The following ACTR5 variants were observed in gnomAD, a reference collection of about 807,000 sequenced individuals.
ACTR5 encodes the protein actin related protein 5.
Under a neutral mutation model 61.2 loss-of-function variants are expected in ACTR5, and 43 were observed. The observed-to-expected ratio is 0.70, with a 90% CI of 0.55 to 0.91. ACTR5 has a LOEUF of 0.91. ACTR5 is among the 40% of genes least tolerant of loss of function. The pLI, the probability that ACTR5 is intolerant of heterozygous loss-of-function variation, is 0.00. For synonymous variants in ACTR5, 333 were observed against 310.5 expected (o/e 1.07, Z -0.76); for missense variants, 798 against 782.2 (o/e 1.02, Z -0.24).
rs146278883 is a variant in ACTR5, at chr20:38,750,250, CT to C, written c.605+13del. On this transcript the variant is annotated intron_variant, in intron 2 of 8. Coordinates refer to ENST00000243903, the MANE Select transcript of ACTR5 (RefSeq NM_024855.4). ...CATCTTAGAAGGGAGGTGAGTTGCA[CT>C]TGTGGCATTTGAGTGCGATTTTGAG... The C allele has an allele frequency of 1.1e-4, 171 of 1,607,238 alleles. No homozygotes were observed. The African/African-American group carries it at 2.2e-3, about 21-fold the overall frequency.
chr20:38,764,833 C>G (rs1359473021), intron 5 of ACTR5, among the ~76,000 whole-genome samples: 1 of 152,138 alleles, frequency 6.6e-6, no homozygotes, highest in Non-Finnish European at 1.5e-5. Flanking sequence ...CCACGCCCAG[C>G]TAATGTTTGT....
chr20:38,757,982 G>C (rs759871452), intron 5 of ACTR5, among the ~76,000 whole-genome samples: 27 of 151,590 alleles, frequency 1.8e-4, no homozygotes, highest in Non-Finnish European at 3.5e-4. Flanking sequence ...TGTTGTCTTT[G>C]TTATGTATTC....
At chr20:38,767,658 A>G in intron 8 of ACTR5, 62 bp downstream of exon 8, 1 of 1,530,700 alleles carries the variant, frequency 6.5e-7, no homozygotes, top group Non-Finnish European at 8.9e-7. Context: ...CTGATTGCAA[A>G]AGTAATAATC....
intron 5 of ACTR5, among the ~76,000 whole-genome samples, chr20:38,758,965 T>C (rs1056506549): frequency 6.6e-6 from 1 of 152,254 alleles, no homozygotes; most frequent in Non-Finnish European, 1.5e-5. Flanking sequence ...TTTTTTCTTA[T>C]AGACCAATCT....
In ACTR5 at chr20:38,771,787, G is replaced by T; in HGVS notation, c.1795G>T (p.Gly599Cys). ...AQASSKGSAA[G>C]GGGAGEQA is the part of the protein sequence containing the mutation. ...GGCATCCAGCAAGGGCTCCGCTGCTGGTGGAGGTGGTGCTGGTGAGCAGGC... is the reference window on the plus strand; with the variant it reads ...GGCATCCAGCAAGGGCTCCGCTGCTTGTGGAGGTGGTGCTGGTGAGCAGGC... The change falls in exon 9 of 9, where the codon GGT becomes TGT. Residue 599 changes from glycine (G) to cysteine (C), a missense_variant. Physicochemically the swap from Gly to Cys is radical, Grantham distance 159. Transcript: ENST00000243903. 1 of 1,613,064 alleles carries T rather than the reference G, an allele frequency of 6.2e-7. No individual in the cohort carries two copies. The highest frequency in any genetic ancestry group is 8.5e-7 in the Non-Finnish European group (1 of 1,179,842).
Position 38,748,806 on chromosome 20 carries a change from G to T in ACTR5, c.328G>T (p.Glu110Ter). Residue 110 changes from glutamate (E) to a stop codon, truncating the protein, a stop_gained, in exon 1 of 9, where the codon GAG becomes TAG. Coordinates refer to ENST00000243903, the MANE Select transcript of ACTR5 (RefSeq NM_024855.4). LOFTEE classifies it high-confidence loss of function. ...RNVPVNLELQELLLDYSFQHL... is the reference protein window; with the variant it reads ...RNVPVNLELQ ...CGTGCCGGTCAACCTGGAGCTTCAG[G>T]AGTTGCTGCTGGACTACAGCTTCCA... 6.2e-7 allele frequency: 1 copy of T among 1,609,562 alleles called. No individual in the cohort carries two copies. Among genetic ancestry groups the T allele is most frequent in the African/African-American group, 1.3e-5 (1 of 74,538 alleles).
At position 38,772,081 on chromosome 20, in the gene ACTR5, T is replaced by G; in HGVS notation, c.*265T>G. The G allele has an allele frequency of 4.0e-6, 2 of 497,142 alleles. No homozygotes were observed. The highest frequency in any genetic ancestry group is 6.7e-5 in the Admixed American group (2 of 29,698). 30.8% of individuals were successfully genotyped at this position (497,142 alleles called of 1,614,324 possible). On this transcript the variant is annotated 3_prime_UTR_variant, in exon 9 of 9. Transcript: ENST00000243903. Reference sequence around the variant, plus strand: ...GTGGCCAGCTGTGGCATCAGCTTCCTGGAGCAGTAAATGAAGACAGAGTGG... The same window carrying G: ...GTGGCCAGCTGTGGCATCAGCTTCCGGGAGCAGTAAATGAAGACAGAGTGG...
At chr20:38,749,439 A>G (rs192124309) in intron 1 of ACTR5, among the ~76,000 whole-genome samples, 213 of 152,282 alleles carry the variant, frequency 1.4e-3, no homozygotes, top group African/African-American at 5.0e-3. Context: ...CCTAATCCTA[A>G]CTGCAAGGCT....
chr20:38,756,112 G>A lies in ACTR5; in HGVS notation c.1176+73G>A, dbSNP rs1263562349. 11 of 1,463,852 alleles carry A rather than the reference G, an allele frequency of 7.5e-6. No individual in the cohort carries two copies. In the African/African-American group the frequency reaches 8.5e-5, roughly 11 times the overall value. 90.7% of individuals were successfully genotyped at this position (1,463,852 alleles called of 1,614,324 possible). ...TCCTGAGAGGCCTGACATCAAAGGG[G>A]TTGTGCCCAGAGTCAGGAGGGAAAG... is the stretch of plus-strand genomic sequence containing the variant. On this transcript the variant is annotated intron_variant, in intron 5 of 8. Transcript: ENST00000243903.
chr20:38,760,750 A>C (rs1842131569), intron 5 of ACTR5, among the ~76,000 whole-genome samples: 1 of 152,040 alleles, frequency 6.6e-6, no homozygotes, highest in South Asian at 2.1e-4. Flanking sequence ...TCCAGATTCC[A>C]CCCTTGTAAC....
Position 38,766,278 on chromosome 20 carries a change from G to A in ACTR5, c.1334G>A (p.Gly445Glu), listed in dbSNP as rs1342215273. The stretch of plus-strand genomic sequence containing the variant: ...GCAGCATATCATCAGCTATTTGTTG[G>A]GACAGAAAGAATTCGAGCTCCAGAG... Reference protein sequence around the residue: ...NLAAYHQLFVGTERIRAPEII... With the variant: ...NLAAYHQLFVETERIRAPEII... Residue 445 changes from glycine (G) to glutamate (E), a missense_variant, in exon 7 of 9, where the codon GGG becomes GAG. Physicochemically the swap from Gly to Glu is moderately conservative, Grantham distance 98. Transcript: ENST00000243903. The A allele has an allele frequency of 1.2e-6, 2 of 1,613,800 alleles. No individual in the cohort carries two copies. Among genetic ancestry groups the A allele is most frequent in the Admixed American group, 1.7e-5 (1 of 59,920 alleles).
chr20:38,750,107 T>C lies in ACTR5; in HGVS notation c.473T>C (p.Ile158Thr). ...GAGCTTCTTTTTGAGTGCTACGGGA[T>C]TCCCAAGGTTGCCTATGGAATAGAC... ...MSELLFECYG[I>T]PKVAYGIDSL... The change falls in exon 2 of 9, where the codon ATT (isoleucine) becomes ACT (threonine). Residue 158 changes from isoleucine to threonine, a missense_variant. Physicochemically the swap from Ile to Thr is moderately conservative, Grantham distance 89. Coordinates refer to ENST00000243903, the MANE Select transcript of ACTR5 (RefSeq NM_024855.4). The C allele has an allele frequency of 6.2e-7, 1 of 1,614,206 alleles. No individual in the cohort carries two copies. Among genetic ancestry groups the C allele is most frequent in the Non-Finnish European group, 8.5e-7 (1 of 1,180,026 alleles).
At chr20:38,765,611 A>T (rs1174043517) in intron 6 of ACTR5, 93 bp downstream of exon 6, 2 of 1,051,252 alleles carry the variant, frequency 1.9e-6, no homozygotes, top group African/African-American at 1.6e-5. Flanking sequence ...TAAAACTGTT[A>T]TGTTTTTTAG....
chr20:38,766,640 G>A (rs1033302778), intron 7 of ACTR5, among the ~76,000 whole-genome samples: 6 of 152,150 alleles, frequency 3.9e-5, no homozygotes, highest in East Asian at 1.9e-4. Flanking sequence ...TGAACAACCC[G>A]ATAACATGTA....
At chr20:38,757,681 G>A (rs900003488) in intron 5 of ACTR5, among the ~76,000 whole-genome samples, 2 of 151,628 alleles carry the variant, frequency 1.3e-5, no homozygotes, top group East Asian at 1.9e-4. Context: ...CTGGAGGCTC[G>A]CTCAAGGTTC....
Position 38,772,039 on chromosome 20 carries a change from G to A in ACTR5, c.*223G>A, listed in dbSNP as rs185845721. On this transcript the variant is annotated 3_prime_UTR_variant, in exon 9 of 9. Transcript: ENST00000243903. ...TGTGGTAGAGACTAACTGGCCTTCT[G>A]ATGTCTTTGTTCAACTGTGGCCAGC... The A allele has an allele frequency of 1.2e-5, 7 of 600,798 alleles. No individual in the cohort carries two copies. The highest frequency in any genetic ancestry group is 1.1e-5 in the Non-Finnish European group (4 of 351,528). The allele number at this position is 600,798 out of a possible 1,614,324, so 37.2% of individuals were successfully genotyped here.
chr20:38,750,803 T>A (rs1452956496), intron 2 of ACTR5, among the ~76,000 whole-genome samples: 7 of 152,002 alleles, frequency 4.6e-5, no homozygotes, highest in South Asian at 4.2e-4. Context: ...TAATTTTTTT[T>A]ATATTTTTAG....
intron 5 of ACTR5, among the ~76,000 whole-genome samples, chr20:38,761,210 C>T (rs1383060675): frequency 6.6e-6 from 1 of 152,162 alleles, no homozygotes; most frequent in Non-Finnish European, 1.5e-5. Context: ...CATGAGTCAC[C>T]GTGCCTGGCC....
Position 38,748,698 on chromosome 20 carries a change from G to A in ACTR5, c.220G>A (p.Gly74Ser). The A allele has an allele frequency of 2.0e-6, 3 of 1,524,282 alleles. No individual in the cohort carries two copies. Among genetic ancestry groups the A allele is most frequent in the African/African-American group, 1.4e-5 (1 of 69,782 alleles). 94.4% of individuals were successfully genotyped at this position (1,524,282 alleles called of 1,614,324 possible). Residue 74 changes from glycine (G) to serine (S), a missense_variant, in exon 1 of 9, where the codon GGC becomes AGC. Coordinates refer to ENST00000243903, the MANE Select transcript of ACTR5 (RefSeq NM_024855.4). ...CGCCCGCGGTCGTGGCGGGGCACGG[G>A]GCGCGTCGGGCCCGCAGGTGGGGAA... ...VCARGRGGAR[G>S]ASGPQVGNAL...
Sources: allele counts gnomAD v4.1 joint callset (sites outside exome capture counted in the v4.1 genomes callset), GRCh38; gene constraint gnomAD v4.1.1; transcripts MANE v1.5; gene names NCBI Gene and HGNC (gene_info 2026-07-23, HGNC 2026-07-21).